MAP3K15: variants seen among roughly 807,000 people sequenced by gnomAD.
MAP3K15 encodes MAPK/ERK kinase kinase 15.
In MAP3K15, 124 loss-of-function variants were observed where a neutral mutation model predicts 99.5. The ratio of observed to expected loss-of-function variants is 1.25; its 90% CI spans 1.08 to 1.45. The LOEUF (loss-of-function observed/expected upper bound fraction) is 1.45, where lower values mean the gene tolerates loss of function less well. MAP3K15 is among the 40% of genes most tolerant of loss of function. MAP3K15 has a pLI of 0.00. For synonymous variants in MAP3K15, 494 were observed against 439.6 expected, an observed-to-expected ratio of 1.12 and a Z score of -1.55; for missense variants, 1,242 against 1,079.7, an observed-to-expected ratio of 1.15 and a Z score of -2.11.
At chrX:19,368,822 T>C (rs1214237761) in intron 25 of MAP3K15, among the ~76,000 whole-genome samples, 1 of 108,080 alleles carries the variant, frequency 9.3e-6, no homozygotes, top group Non-Finnish European at 1.9e-5. Context: ...AGGTACTATA[T>C]ATACCTCTCT....
intron 14 of MAP3K15, among the ~76,000 whole-genome samples, chrX:19,399,463 C>A (rs1362733612): frequency 1.8e-5 from 2 of 111,386 alleles, no homozygotes; most frequent in Non-Finnish European, 3.8e-5. Context: ...ACTCAGGATG[C>A]TGAGGCAGGA....
At chrX:19,454,029 G>A (rs751300061) in intron 6 of MAP3K15, among the ~76,000 whole-genome samples, 2 of 111,050 alleles carry the variant, frequency 1.8e-5, no homozygotes, top group African/African-American at 3.3e-5. Flanking sequence ...ATTCAGTCAC[G>A]TTCATCTCAT....
intron 18 of MAP3K15, among the ~76,000 whole-genome samples, chrX:19,383,147 T>A (rs1226850290): frequency 9.0e-6 from 1 of 111,178 alleles, no homozygotes. Context: ...CAAGTTCTAA[T>A]CTCACCCTCC....
chrX:19,426,817 C>CCAAAAAA (rs2063834564), intron 7 of MAP3K15, among the ~76,000 whole-genome samples: 1 of 43,547 alleles, frequency 2.3e-5, no homozygotes, highest in African/African-American at 2.7e-4. Flanking sequence ...GAATCTGTCT[C>CCAAAAAA]CAAAAAAAAA....
Position 19,467,041 on chromosome X carries a change from T to C in MAP3K15, c.526-2635A>G, listed in dbSNP as rs200874795. Among the ~76,000 whole-genome samples, 11 of 111,574 alleles carry C rather than the reference T, an allele frequency of 9.9e-5. No individual in the cohort carries two copies. In the East Asian group the frequency reaches 3.1e-3, roughly 31 times the overall value. ...CTCATCAGCTATTGTTAGTGTATTT[T>C]ACATGTGGCCCAAACAATTCTTCTT... On this transcript the variant is annotated intron_variant, in intron 3 of 28. Transcript: ENST00000338883.
intron 11 of MAP3K15, among the ~76,000 whole-genome samples, chrX:19,412,400 A>T (rs1340146629): frequency 8.9e-6 from 1 of 112,308 alleles, no homozygotes; most frequent in Non-Finnish European, 1.9e-5. Flanking sequence ...GGCAATTGGT[A>T]GCCTACAGAC....
Position 19,442,618 on chromosome X carries a change from G to A in MAP3K15, c.996-11010C>T, listed in dbSNP as rs1416044413. 2.8e-5 allele frequency among the ~76,000 whole-genome samples: 3 copies of A among 107,153 alleles called. No homozygotes were observed. The Admixed American group carries it at 3.0e-4, about 11-fold the overall frequency. The allele number at this position is 107,153 out of a possible 115,157, so 93.0% of individuals were successfully genotyped here. ...GACTCACTGCAACCTCTGCCTCCTG[G>A]GTTCAAGTGATTCTCCTGCCTCAGC... On this transcript the variant is annotated intron_variant, in intron 6 of 28. Coordinates refer to ENST00000338883, the MANE Select transcript of MAP3K15 (RefSeq NM_001001671.4).
chrX:19,491,752 C>T (rs2064370285), intron 1 of MAP3K15, among the ~76,000 whole-genome samples: 2 of 109,761 alleles, frequency 1.8e-5, no homozygotes, highest in Admixed American at 1.9e-4. Flanking sequence ...GGTACGATCT[C>T]GGCTCACTGC....
chrX:19,461,577 G>C (rs1456243626), intron 4 of MAP3K15, among the ~76,000 whole-genome samples: 2 of 111,936 alleles, frequency 1.8e-5, no homozygotes, highest in Non-Finnish European at 3.8e-5. Flanking sequence ...ACCTAACTTG[G>C]TATACATAAG....
Position 19,426,217 on chromosome X carries a change from A to G in MAP3K15, c.1279+14T>C. On this transcript the variant is annotated intron_variant, in intron 8 of 28. Transcript: ENST00000338883. ...AATCAAAGCAACAACATCTGCAATA[A>G]TAAGCAGCTTTACCTATTTTCCTTA... The G allele has an allele frequency of 1.0e-6, 1 of 976,391 alleles. No individual in the cohort carries two copies. Among genetic ancestry groups the G allele is most frequent in the African/African-American group, 1.9e-5 (1 of 52,060 alleles). 80.5% of individuals were successfully genotyped at this position (976,391 alleles called of 1,213,427 possible).
rs769643820 is a variant in MAP3K15, at chrX:19,360,667, G to A, written c.*82C>T. On this transcript the variant is annotated 3_prime_UTR_variant, in exon 29 of 29. Coordinates refer to ENST00000338883, the MANE Select transcript of MAP3K15 (RefSeq NM_001001671.4). ...GCATTTTTAAATATGTAAACACAGCGGAATTCGTGTATACACTAACAGAAG... is the reference window on the plus strand; with the variant it reads ...GCATTTTTAAATATGTAAACACAGCAGAATTCGTGTATACACTAACAGAAG... The A allele has an allele frequency of 2.7e-4, 190 of 716,932 alleles. No homozygotes were observed. The South Asian group carries it at 3.8e-3, about 14-fold the overall frequency. 59.1% of individuals were successfully genotyped at this position (716,932 alleles called of 1,213,427 possible).
At chrX:19,398,519 A>C (rs767859553) in intron 14 of MAP3K15, among the ~76,000 whole-genome samples, 160 bp from the exon 15 acceptor site, 1 of 112,213 alleles carries the variant, frequency 8.9e-6, no homozygotes, top group South Asian at 3.7e-4. Context: ...TCATTAAATG[A>C]CTTTAAAGGG....
intron 6 of MAP3K15, among the ~76,000 whole-genome samples, chrX:19,439,901 C>T (rs1456960131): frequency 4.5e-5 from 5 of 112,283 alleles, no homozygotes; most frequent in African/African-American, 1.6e-4. Context: ...TTTCTGCAGC[C>T]CTGCTTTGTG....
intron 7 of MAP3K15, 35 bp downstream of exon 7, chrX:19,431,403 G>A (rs769218332): frequency 1.7e-6 from 2 of 1,176,892 alleles, no homozygotes; most frequent in East Asian, 6.0e-5. Flanking sequence ...TCCTTGAAGA[G>A]ATGCAAGTGC....
At chrX:19,505,038 G>T (rs965323890) in intron 1 of MAP3K15, among the ~76,000 whole-genome samples, 4 of 107,523 alleles carry the variant, frequency 3.7e-5, no homozygotes, top group African/African-American at 1.4e-4. Flanking sequence ...CTTATTTTTT[G>T]AAAGATTTTA....
At chrX:19,385,467 T>C (rs2063488144) in intron 18 of MAP3K15, among the ~76,000 whole-genome samples, 1 of 111,175 alleles carries the variant, frequency 9.0e-6, no homozygotes, top group South Asian at 3.8e-4. Context: ...CTAAGTCCAG[T>C]CCACATTCAA....
chrX:19,492,411 T>C lies in MAP3K15; in HGVS notation c.362-3444A>G, dbSNP rs747081557. On this transcript the variant is annotated intron_variant, in intron 1 of 28. Transcript: ENST00000338883. ...AGTATCAATGTCTCACCTAAAAATATTTTTAAATAATCAAGAGAGTTTTTT... is the reference window on the plus strand; with the variant it reads ...AGTATCAATGTCTCACCTAAAAATACTTTTAAATAATCAAGAGAGTTTTTT... Among the ~76,000 whole-genome samples, 10 of 111,471 alleles carry C rather than the reference T, an allele frequency of 9.0e-5. No homozygotes were observed. The South Asian group carries it at 3.8e-3, about 42-fold the overall frequency.
chrX:19,373,195 G>A (rs1363934010), intron 21 of MAP3K15: 4 of 188,251 alleles, frequency 2.1e-5, no homozygotes, highest in African/African-American at 1.2e-4. Flanking sequence ...GGAGGAGGAG[G>A]GGGCCGGAAG....
chrX:19,512,009 T>C (rs1019655659), intron 1 of MAP3K15, among the ~76,000 whole-genome samples: 2 of 111,742 alleles, frequency 1.8e-5, no homozygotes, highest in Non-Finnish European at 3.8e-5. Context: ...TGAGTTCATG[T>C]CCTTTGCAGG....
Sources: allele counts gnomAD v4.1 joint callset (sites outside exome capture counted in the v4.1 genomes callset), GRCh38; gene constraint gnomAD v4.1.1; transcripts MANE v1.5; gene names NCBI Gene and HGNC (gene_info 2026-07-23, HGNC 2026-07-21).